PACSIN2: variants seen among roughly 807,000 people sequenced by gnomAD.
The protein encoded by PACSIN2 is protein kinase C and casein kinase substrate in neurons 2, also known as protein kinase C and casein kinase substrate in neurons protein 2.
In PACSIN2, 25 loss-of-function variants were observed where a neutral mutation model predicts 63.8. That is an observed-to-expected ratio of 0.39 (90% confidence interval 0.29 to 0.55). The LOEUF (loss-of-function observed/expected upper bound fraction) is 0.55. Among genes scored for constraint, PACSIN2 ranks in the 20% least tolerant of loss-of-function variants. PACSIN2 has a pLI of 0.62. For synonymous variants in PACSIN2, 255 were observed against 256.2 expected (o/e 1.00, Z 0.05); for missense variants, 518 against 646.9 (o/e 0.80, Z 2.16).
chr22:42,953,796 C>G (rs947158246), intron 1 of PACSIN2, among the ~76,000 whole-genome samples: 1 of 152,116 alleles, frequency 6.6e-6, no homozygotes, highest in African/African-American at 2.4e-5. Flanking sequence ...TATGATGTCT[C>G]GACACACGAT....
chr22:42,984,094 C>T (rs1922440391), intron 1 of PACSIN2, among the ~76,000 whole-genome samples: 1 of 151,678 alleles, frequency 6.6e-6, no homozygotes, highest in Non-Finnish European at 1.5e-5. Context: ...CTTCAGCCTC[C>T]TGAGCAGCTG....
At chr22:42,993,009 C>CA (rs1038428666) in intron 1 of PACSIN2, among the ~76,000 whole-genome samples, 25 of 152,026 alleles carry the variant, frequency 1.6e-4, no homozygotes, top group African/African-American at 5.1e-4. Context: ...ACTAAAAATA[C>CA]AAAAAAATTG....
At chr22:42,876,844 C>G (rs1200269964) in intron 9 of PACSIN2, 44 bp downstream of exon 9, 4 of 1,612,582 alleles carry the variant, frequency 2.5e-6, no homozygotes, top group South Asian at 1.1e-5. Flanking sequence ...GGAAGAGAGA[C>G]AGAGTGAGCG....
At chr22:42,993,344 G>A (rs1009888414) in intron 1 of PACSIN2, among the ~76,000 whole-genome samples, 7 of 152,156 alleles carry the variant, frequency 4.6e-5, no homozygotes, top group Non-Finnish European at 1.0e-4. Flanking sequence ...CTCAGAGGGT[G>A]GACTTCTCAC....
At chr22:42,911,080 A>G (rs1378827928) in intron 2 of PACSIN2, among the ~76,000 whole-genome samples, 2 of 151,622 alleles carry the variant, frequency 1.3e-5, no homozygotes, top group African/African-American at 4.9e-5. Flanking sequence ...AATTTTTTGT[A>G]TTTTTAGTAG....
intron 2 of PACSIN2, among the ~76,000 whole-genome samples, chr22:42,894,168 T>A (rs1380985689): frequency 1.3e-5 from 2 of 152,186 alleles, no homozygotes; most frequent in African/African-American, 4.8e-5. Context: ...ATTTTACAGA[T>A]GAGGAAACAA....
intron 1 of PACSIN2, chr22:42,959,480 C>T (rs1043878994): frequency 1.3e-5 from 2 of 152,188 alleles, no homozygotes; most frequent in African/African-American, 2.4e-5. Flanking sequence ...GAAACACGCA[C>T]GTATGTTCTA....
chr22:42,893,347 C>A, intron 3 of PACSIN2, 110 bp downstream of exon 3: 2 of 1,170,126 alleles, frequency 1.7e-6, no homozygotes, highest in Non-Finnish European at 1.2e-6. Context: ...CACTCTTGCC[C>A]CAATCTTAAA....
intron 7 of PACSIN2, among the ~76,000 whole-genome samples, chr22:42,879,987 G>A (rs528187020): frequency 9.9e-4 from 150 of 152,276 alleles, no homozygotes; most frequent in Non-Finnish European, 2.0e-3. Flanking sequence ...TTCACCAACC[G>A]CACTGAAAAT....
chr22:42,882,976 T>C (rs954255622), intron 6 of PACSIN2, among the ~76,000 whole-genome samples: 1 of 152,302 alleles, frequency 6.6e-6, no homozygotes, highest in Non-Finnish European at 1.5e-5. Context: ...GTGTCCTTCA[T>C]AGGAGACATG....
chr22:42,923,755 G>C (rs891902407), intron 1 of PACSIN2, among the ~76,000 whole-genome samples: 2 of 152,180 alleles, frequency 1.3e-5, no homozygotes, highest in African/African-American at 4.8e-5. Context: ...AATTTATCCT[G>C]ACTGGGCATG....
chr22:42,922,200 G>C (rs1932240553), intron 1 of PACSIN2, among the ~76,000 whole-genome samples: 1 of 152,216 alleles, frequency 6.6e-6, no homozygotes, highest in Admixed American at 6.5e-5. Context: ...GAGGTTAACA[G>C]AGGTTGCTAA....
In PACSIN2 at chr22:42,871,166, C is replaced by T. The variant is rs1928079806; in HGVS notation, c.*191G>A. On this transcript the variant is annotated 3_prime_UTR_variant, in exon 11 of 11. Coordinates refer to ENST00000263246, the MANE Select transcript of PACSIN2 (RefSeq NM_001184970.3). This position sits in a 1 kb window ranked among gnomAD's most constrained non-coding sequence, Gnocchi z 5.4. Reference sequence around the variant, plus strand: ...GTTCTGCGTCTTCCTGCGCTCAGATCCCTCCAGCTGCACTCGGAAAGGTGC... The same window carrying T: ...GTTCTGCGTCTTCCTGCGCTCAGATTCCTCCAGCTGCACTCGGAAAGGTGC... The T allele has an allele frequency of 3.3e-6, 2 of 605,546 alleles. No homozygotes were observed. Among genetic ancestry groups the T allele is most frequent in the East Asian group, 5.5e-5 (2 of 36,106 alleles). 37.5% of individuals were successfully genotyped at this position (605,546 alleles called of 1,614,324 possible).
chr22:43,012,465 T>A lies in PACSIN2; in HGVS notation c.-78+2556A>T, dbSNP rs979545845. 1.2e-4 allele frequency among the ~76,000 whole-genome samples: 19 copies of A among 152,156 alleles called. 1 individual carries two copies. The South Asian group carries it at 1.9e-3, about 15-fold the overall frequency. ...GTTGGTGGAAATCCAGAATTTTTTT[T>A]AAATATATGCATACTTTTAGATTTA... On this transcript the variant is annotated intron_variant, in intron 1 of 10. Coordinates refer to ENST00000263246, the MANE Select transcript of PACSIN2 (RefSeq NM_001184970.3).
intron 3 of PACSIN2, among the ~76,000 whole-genome samples, chr22:42,892,229 C>T (rs766708002): frequency 1.1e-4 from 16 of 152,108 alleles, no homozygotes; most frequent in Middle Eastern, 3.4e-3. Context: ...ACAACGGAGC[C>T]GGGGCAGAAA....
intron 8 of PACSIN2, 133 bp downstream of exon 8, chr22:42,878,915 G>C: frequency 9.5e-7 from 1 of 1,051,282 alleles, no homozygotes; most frequent in Non-Finnish European, 1.3e-6. Flanking sequence ...GTCCAGGCTG[G>C]GCCACGGCCC....
At position 42,871,592 on chromosome 22, in the gene PACSIN2, C is replaced by T; in HGVS notation, c.1349-123G>A. 1 of 764,868 alleles carries T rather than the reference C, an allele frequency of 1.3e-6. No individual in the cohort carries two copies. Among genetic ancestry groups the T allele is most frequent in the Non-Finnish European group, 2.3e-6 (1 of 435,554 alleles). 47.4% of individuals were successfully genotyped at this position (764,868 alleles called of 1,614,324 possible). A position where few individuals can be genotyped will look rare whatever the true frequency, so the allele number is the denominator to read the frequency against. Reference sequence around the variant, plus strand: ...GGCCAGGCATTCTGTGGCGGGCAGGCCGAGGGCCTGGTCATTTCTCTACTA... The same window carrying T: ...GGCCAGGCATTCTGTGGCGGGCAGGTCGAGGGCCTGGTCATTTCTCTACTA... On this transcript the variant is annotated intron_variant, in intron 10 of 10. Coordinates refer to ENST00000263246, the MANE Select transcript of PACSIN2 (RefSeq NM_001184970.3). The surrounding 1 kb of genome is among the most constrained non-coding windows in gnomAD (Gnocchi z 5.4).
chr22:42,895,335 C>A (rs528220318), intron 2 of PACSIN2, among the ~76,000 whole-genome samples: 1 of 152,302 alleles, frequency 6.6e-6, no homozygotes, highest in Non-Finnish European at 1.5e-5. Context: ...AACTCAGTAT[C>A]GTTGAGCTGG....
At chr22:42,900,381 G>A (rs1930596718) in intron 2 of PACSIN2, among the ~76,000 whole-genome samples, 1 of 152,180 alleles carries the variant, frequency 6.6e-6, no homozygotes, top group Non-Finnish European at 1.5e-5. Context: ...CCCATACTTG[G>A]CCAGGCAGGG....
Sources: gnomAD v4.1 joint callset for allele counts (sites outside exome capture counted in the v4.1 genomes callset) on GRCh38, gnomAD v4.1.1 for gene constraint, Gnocchi (gnomAD v3.1) non-coding constraint, MANE v1.5 for transcripts, NCBI Gene and HGNC (gene_info 2026-07-23, HGNC 2026-07-21) for gene names.